PRMT8: variants seen among roughly 807,000 people sequenced by gnomAD.
PRMT8 encodes protein arginine N-methyltransferase 8.
In PRMT8, 7 loss-of-function variants were observed where a neutral mutation model predicts 47.1. The ratio of observed to expected loss-of-function variants is 0.15; its 90% confidence interval spans 0.08 to 0.28. The LOEUF is 0.28. PRMT8 is among the 10% of genes least tolerant of loss of function. PRMT8 has a pLI of 1.00. For missense variants in PRMT8, 237 were observed against 505.4 expected (o/e 0.47, Z 5.09); for synonymous variants, 188 against 186.5 (o/e 1.01, Z -0.07).
chr12:3,582,735 A>G (rs958469398), intron 7 of PRMT8, among the ~76,000 whole-genome samples: 1 of 152,090 alleles, frequency 6.6e-6, no homozygotes, highest in Non-Finnish European at 1.5e-5. Context: ...GAAGGGATGC[A>G]TTGTCTAATT....
intron 1 of PRMT8, among the ~76,000 whole-genome samples, chr12:3,482,069 G>A (rs998420747): frequency 3.3e-5 from 5 of 152,186 alleles, no homozygotes; most frequent in African/African-American, 1.2e-4. Flanking sequence ...GATAAAATGA[G>A]GCTGAAGGAA....
At chr12:3,520,742 T>C (rs1429558676) in intron 1 of PRMT8, among the ~76,000 whole-genome samples, 1 of 152,228 alleles carries the variant, frequency 6.6e-6, no homozygotes, top group Non-Finnish European at 1.5e-5. Flanking sequence ...CTGTAAATTA[T>C]ATGCTCTTAG....
At chr12:3,387,126 G>A (rs1864148291) in intron 1 of PRMT8, among the ~76,000 whole-genome samples, 1 of 152,196 alleles carries the variant, frequency 6.6e-6, no homozygotes, top group Non-Finnish European at 1.5e-5. Context: ...GAAGGTGGAG[G>A]AAAGCATGCG....
chr12:3,451,033 A>ACCCCCCCCCCCCCC lies in PRMT8; in HGVS notation c.48+69600_48+69613dup, dbSNP rs71061115. Among the ~76,000 whole-genome samples the ACCCCCCCCCCCCCC allele has an allele frequency of 2.3e-4, 6 of 26,122 alleles. 3 individuals are homozygous for ACCCCCCCCCCCCCC. Among genetic ancestry groups the ACCCCCCCCCCCCCC allele is most frequent in the African/African-American group, 3.1e-4 (2 of 6,506 alleles). 17.1% of individuals were successfully genotyped at this position (26,122 alleles called of 152,430 possible). A position where few individuals can be genotyped will look rare whatever the true frequency, so the allele number is the denominator to read the frequency against. ...TGAAAGCAGTTTTGATCTTGCTGACACCCCCCCCCCCCCCCCCCCCCCGCC... is the reference window on the plus strand; with the variant it reads ...TGAAAGCAGTTTTGATCTTGCTGACACCCCCCCCCCCCCCCCCCCCCCCCCCCCCCCCCCCCGCC... On this transcript the variant is annotated intron_variant, in intron 1 of 9. Coordinates refer to the PRMT8 transcript ENST00000452611.
chr12:3,541,950 T>C (rs1276983577), intron 2 of PRMT8, among the ~76,000 whole-genome samples: 1 of 152,184 alleles, frequency 6.6e-6, no homozygotes, highest in African/African-American at 2.4e-5. Flanking sequence ...CGTGTGTGCG[T>C]GTGTGAAAGG....
At chr12:3,537,815 A>G (rs1367443822) in intron 1 of PRMT8, among the ~76,000 whole-genome samples, 1 of 152,054 alleles carries the variant, frequency 6.6e-6, no homozygotes, top group African/African-American at 2.4e-5. Flanking sequence ...TCAGGCTCTC[A>G]TTATTTCTTG....
chr12:3,585,345 CTTTT>C (rs71061123), intron 8 of PRMT8, among the ~76,000 whole-genome samples: 4 of 45,774 alleles, frequency 8.7e-5, no homozygotes, highest in Non-Finnish European at 1.5e-4. Flanking sequence ...GAAAATGATG[CTTTT>C]TTTTTTTTTT....
intron 1 of PRMT8, among the ~76,000 whole-genome samples, chr12:3,540,261 T>G (rs145296507): frequency 6.6e-6 from 1 of 152,328 alleles, no homozygotes. Context: ...ATCTTTCCCT[T>G]TATTGAATGT....
chr12:3,449,201 T>C (rs1430244802), intron 1 of PRMT8, among the ~76,000 whole-genome samples: 1 of 152,210 alleles, frequency 6.6e-6, no homozygotes, highest in Non-Finnish European at 1.5e-5. Context: ...TGAATATACG[T>C]GTGCATGTAT....
At chr12:3,567,111 C>T (rs991714416) in intron 4 of PRMT8, among the ~76,000 whole-genome samples, 6 of 152,248 alleles carry the variant, frequency 3.9e-5, no homozygotes, top group South Asian at 2.1e-4. Flanking sequence ...CTGGCCCTAT[C>T]TGCTTCCCCT....
intron 1 of PRMT8, among the ~76,000 whole-genome samples, chr12:3,531,622 G>C (rs1262160352): frequency 6.6e-6 from 1 of 152,234 alleles, no homozygotes; most frequent in Non-Finnish European, 1.5e-5. Context: ...ACCACCAAGA[G>C]ACAGCCAGGG....
intron 1 of PRMT8, among the ~76,000 whole-genome samples, chr12:3,458,529 G>A (rs1041139413): frequency 6.6e-5 from 10 of 152,248 alleles, no homozygotes; most frequent in African/African-American, 4.8e-5. Context: ...AGCCGTGCTT[G>A]TTCCTCTGTG....
intron 1 of PRMT8, among the ~76,000 whole-genome samples, chr12:3,482,563 G>A (rs942893309): frequency 1.3e-5 from 2 of 152,240 alleles, no homozygotes; most frequent in Non-Finnish European, 2.9e-5. Flanking sequence ...AAGTTACTAA[G>A]TGGATGTGAA....
chr12:3,516,769 G>A (rs1473343028), intron 1 of PRMT8, among the ~76,000 whole-genome samples: 3 of 152,088 alleles, frequency 2.0e-5, no homozygotes, highest in African/African-American at 4.8e-5. Context: ...TTCGATAGCC[G>A]ATGCTTGTTT....
intron 1 of PRMT8, among the ~76,000 whole-genome samples, chr12:3,450,861 A>G (rs758893280): frequency 1.3e-5 from 2 of 152,210 alleles, no homozygotes; most frequent in African/African-American, 4.8e-5. Flanking sequence ...TGCTTCTGCA[A>G]GCACTCAGCT....
chr12:3,476,984 G>A (rs529002040), intron 1 of PRMT8, among the ~76,000 whole-genome samples: 2 of 152,282 alleles, frequency 1.3e-5, no homozygotes, highest in East Asian at 1.9e-4. Flanking sequence ...GTTTTGTTTG[G>A]GAACTTCTAT....
chr12:3,407,315 A>G (rs576135940), intron 1 of PRMT8, among the ~76,000 whole-genome samples: 2 of 152,116 alleles, frequency 1.3e-5, no homozygotes, highest in African/African-American at 2.4e-5. Context: ...CAGCCAAACC[A>G]TATCATGAAG....
chr12:3,563,895 C>G (rs1306789170), intron 4 of PRMT8, among the ~76,000 whole-genome samples: 1 of 152,032 alleles, frequency 6.6e-6, no homozygotes, highest in African/African-American at 2.4e-5. Context: ...ACAATTAGGA[C>G]TAGTTTGAAT....
chr12:3,585,440 C>T (rs1867150573), intron 8 of PRMT8, among the ~76,000 whole-genome samples: 1 of 141,794 alleles, frequency 7.1e-6, no homozygotes, highest in Non-Finnish European at 1.5e-5. Flanking sequence ...CTCACTGCAG[C>T]CTTGACCTCC....
Sources: allele counts gnomAD v4.1 joint callset (sites outside exome capture counted in the v4.1 genomes callset), GRCh38; gene constraint gnomAD v4.1.1; transcripts MANE v1.5; gene names NCBI Gene and HGNC (gene_info 2026-07-23, HGNC 2026-07-21).